The following MCF2L2 variants were observed in gnomAD, a reference collection of about 807,000 sequenced individuals.
MCF2L2 encodes the protein probable guanine nucleotide exchange factor MCF2L2.
MCF2L2 carries 102 observed loss-of-function variants against 150.2 expected under a neutral mutation model. The observed-to-expected ratio is 0.68, with a 90% CI of 0.58 to 0.80. MCF2L2 has a LOEUF of 0.80. Ranked by LOEUF, MCF2L2 falls within the 30% of genes least tolerant of loss-of-function variation. The pLI is 0.00. For synonymous variants in MCF2L2, 465 were observed against 491.3 expected (o/e 0.95, Z 0.71); for missense variants, 1,256 against 1,372.8 (o/e 0.91, Z 1.34).
At chr3:183,228,061 TATTC>T (rs1321555583) in intron 18 of MCF2L2, 1 of 176,896 alleles carries the variant, frequency 5.7e-6, no homozygotes, top group Non-Finnish European at 1.1e-5. Context: ...GTAATGAATG[TATTC>T]ATTAACTTGA....
chr3:183,354,303 G>A (rs1459296454), intron 3 of MCF2L2, among the ~76,000 whole-genome samples: 2 of 152,122 alleles, frequency 1.3e-5, no homozygotes, highest in African/African-American at 2.4e-5. Context: ...GCTGTCTCTT[G>A]TGGGGAAAAT....
intron 3 of MCF2L2, among the ~76,000 whole-genome samples, chr3:183,350,889 G>T (rs529967464): frequency 1.1e-3 from 169 of 150,680 alleles, no homozygotes; most frequent in Non-Finnish European, 1.6e-3. Flanking sequence ...GGGCGACAGA[G>T]CGAGACTCCG....
Position 183,294,630 on chromosome 3 carries a change from TA to T in MCF2L2, c.1675+669del, listed in dbSNP as rs1345351128. 5.4e-4 allele frequency among the ~76,000 whole-genome samples: 66 copies of T among 122,226 alleles called. 2 individuals are homozygous for T. In the East Asian group the frequency reaches 0.016, roughly 30 times the overall value. 80.2% of individuals were successfully genotyped at this position (122,226 alleles called of 152,430 possible). On this transcript the variant is annotated intron_variant, in intron 13 of 29. Transcript: ENST00000328913. ...GTGTGTGTGTGTATATATATATATA[TA>T]TATTTTTTTTTTTTTGAGACGGAGT...
At chr3:183,349,843 G>C (rs1020319120) in intron 3 of MCF2L2, among the ~76,000 whole-genome samples, 1 of 151,668 alleles carries the variant, frequency 6.6e-6, no homozygotes, top group African/African-American at 2.4e-5. Context: ...CCTTGTGGCA[G>C]CTTGATTTTG....
chr3:183,319,688 C>T (rs1470540843), intron 6 of MCF2L2, among the ~76,000 whole-genome samples: 4 of 152,218 alleles, frequency 2.6e-5, no homozygotes, highest in Admixed American at 1.3e-4. Context: ...TCCATCAGAG[C>T]TCTCAGGTGA....
At chr3:183,335,831 A>C (rs1033747073) in intron 5 of MCF2L2, among the ~76,000 whole-genome samples, 8 of 152,180 alleles carry the variant, frequency 5.3e-5, no homozygotes, top group African/African-American at 1.9e-4. Flanking sequence ...ATTGCACTCT[A>C]GCCTGGGTGA....
chr3:183,238,575 G>A (rs1002935287), intron 15 of MCF2L2, among the ~76,000 whole-genome samples: 3 of 151,628 alleles, frequency 2.0e-5, no homozygotes, highest in Non-Finnish European at 4.4e-5. Flanking sequence ...TTACAGGCGT[G>A]AGCCACCTCG....
At chr3:183,215,089 T>C (rs563879347) in intron 22 of MCF2L2, among the ~76,000 whole-genome samples, 1 of 152,238 alleles carries the variant, frequency 6.6e-6, no homozygotes, top group Admixed American at 6.5e-5. Flanking sequence ...CCATGGAGCG[T>C]GGGTGGCCTT....
Position 183,428,079 on chromosome 3 carries a change from CCTCGCCCTCTTCCTGGCT to C in MCF2L2, c.-120_-103del. On this transcript the variant is annotated 5_prime_UTR_variant, in exon 1 of 30. Coordinates refer to ENST00000328913, the MANE Select transcript of MCF2L2 (RefSeq NM_015078.4). This position sits in a 1 kb window ranked among gnomAD's most constrained non-coding sequence, Gnocchi z 5.1. Reference sequence around the variant, plus strand: ...GCATCTCCGCCCAAGGATGCTCTGCCCTCGCCCTCTTCCTGGCTCTCCAGGCAAGAAACGAGAGTCCCT... The same window carrying C: ...GCATCTCCGCCCAAGGATGCTCTGCCCTCCAGGCAAGAAACGAGAGTCCCT... 1.1e-6 allele frequency: 1 copy of C among 874,050 alleles called. No individual in the cohort carries two copies. Among genetic ancestry groups the C allele is most frequent in the Admixed American group, 1.8e-5 (1 of 54,876 alleles). The allele number at this position is 874,050 out of a possible 1,614,324, so 54.1% of individuals were successfully genotyped here.
chr3:183,303,327 G>T (rs191831255), intron 10 of MCF2L2, among the ~76,000 whole-genome samples: 1 of 152,156 alleles, frequency 6.6e-6, no homozygotes, highest in Non-Finnish European at 1.5e-5. Flanking sequence ...TACATGATGC[G>T]GTGACCTGCT....
intron 5 of MCF2L2, among the ~76,000 whole-genome samples, chr3:183,336,275 T>A (rs1382556637): frequency 6.6e-6 from 1 of 152,090 alleles, no homozygotes; most frequent in African/African-American, 2.4e-5. Context: ...AATAATCAGA[T>A]GATGATAAAA....
chr3:183,229,679 C>T lies in MCF2L2; in HGVS notation c.2032G>A (p.Glu678Lys), dbSNP rs1439517800. ...FLFGNIRELY[E>K]FHNRTFLKEL... ...ATTATTATATACCTGTTGTGAAATT[C>T]GTAAAGTTCTCTAATATTCCCAAAG... The change falls in exon 17 of 30, where the codon GAA (glutamate) becomes AAA (lysine). Residue 678 changes from glutamate (E) to lysine (K), a missense_variant. Coordinates refer to ENST00000328913, the MANE Select transcript of MCF2L2 (RefSeq NM_015078.4). 1.2e-5 allele frequency: 18 copies of T among 1,521,888 alleles called. No individual in the cohort carries two copies. Among genetic ancestry groups the T allele is most frequent in the Admixed American group, 3.5e-5 (2 of 57,298 alleles). The allele number at this position is 1,521,888 out of a possible 1,614,324, so 94.3% of individuals were successfully genotyped here.
chr3:183,354,670 C>T (rs1051739272), intron 3 of MCF2L2, among the ~76,000 whole-genome samples: 4 of 152,210 alleles, frequency 2.6e-5, no homozygotes, highest in African/African-American at 9.6e-5. Flanking sequence ...AACCAATGTA[C>T]ATCTTACATG....
chr3:183,201,806 C>G (rs1722296130), intron 25 of MCF2L2, among the ~76,000 whole-genome samples: 1 of 152,076 alleles, frequency 6.6e-6, no homozygotes, highest in Admixed American at 6.6e-5. Context: ...CCCATCAATA[C>G]CTAGTTTATT....
At chr3:183,221,605 C>T (rs982105352) in intron 20 of MCF2L2, among the ~76,000 whole-genome samples, 3 of 152,120 alleles carry the variant, frequency 2.0e-5, no homozygotes, top group African/African-American at 7.2e-5. Context: ...GAGGAAGGAC[C>T]ATCACTTTCG....
At chr3:183,216,283 A>G (rs1365665029) in intron 21 of MCF2L2, among the ~76,000 whole-genome samples, 189 bp from the exon 22 acceptor site, 2 of 151,564 alleles carry the variant, frequency 1.3e-5, no homozygotes, top group Non-Finnish European at 2.9e-5. Context: ...TACGGCATAG[A>G]GACAAGCAAA....
At chr3:183,278,614 C>T (rs894363211) in intron 14 of MCF2L2, among the ~76,000 whole-genome samples, 3 of 152,202 alleles carry the variant, frequency 2.0e-5, no homozygotes, top group East Asian at 1.9e-4. Flanking sequence ...GGATCCCCAG[C>T]GTGTAATACA....
chr3:183,291,228 CA>C (rs1206358792), intron 13 of MCF2L2, among the ~76,000 whole-genome samples: 1 of 152,198 alleles, frequency 6.6e-6, no homozygotes, highest in African/African-American at 2.4e-5. Context: ...CTGTCCTTGA[CA>C]CTGTAAGTAG....
intron 1 of MCF2L2, among the ~76,000 whole-genome samples, chr3:183,423,049 AT>A (rs984521421): frequency 5.3e-5 from 8 of 152,324 alleles, no homozygotes; most frequent in African/African-American, 1.7e-4. Context: ...GGGTTCAAAC[AT>A]TTTTAGTAGC....
Sources: gnomAD v4.1 joint callset for allele counts (sites outside exome capture counted in the v4.1 genomes callset) on GRCh38, gnomAD v4.1.1 for gene constraint, Gnocchi (gnomAD v3.1) non-coding constraint, MANE v1.5 for transcripts, NCBI Gene and HGNC (gene_info 2026-07-23, HGNC 2026-07-21) for gene names.